Variants in SCN2A observed in about 807,000 individuals in gnomAD.
The protein encoded by SCN2A is sodium voltage-gated channel alpha subunit 2.
In SCN2A, 20 loss-of-function variants were observed where a neutral mutation model predicts 188.7. The observed-to-expected ratio is 0.11, with a 90% CI of 0.07 to 0.15. The LOEUF is 0.15. Ranked by LOEUF, SCN2A falls within the 10% of genes least tolerant of loss-of-function variation. The probability of loss-of-function intolerance (pLI) is 1.00; values close to 1 mark genes in which losing one functional copy is unlikely to be tolerated. For synonymous variants in SCN2A, 804 were observed against 833.1 expected (o/e 0.97, Z 0.60); for missense variants, 1,278 against 2,445.0 (o/e 0.52, Z 10.07).
At chr2:165,280,943 C>T (rs1054328540) in intron 1 of SCN2A, among the ~76,000 whole-genome samples, 10 of 152,332 alleles carry the variant, frequency 6.6e-5, no homozygotes, top group Middle Eastern at 6.8e-3. Flanking sequence ...CATACTAGGC[C>T]GGGCATGTTG....
chr2:165,304,178 A>G (rs979026186), intron 3 of SCN2A, among the ~76,000 whole-genome samples: 3 of 152,060 alleles, frequency 2.0e-5, no homozygotes, highest in Non-Finnish European at 4.4e-5. Flanking sequence ...GCTCACTGCT[A>G]CCTCTGCCTC....
intron 13 of SCN2A, chr2:165,328,414 T>G: frequency 1.1e-6 from 1 of 898,940 alleles, no homozygotes; most frequent in Non-Finnish European, 1.3e-6. Flanking sequence ...GTAAATCTTT[T>G]GAAGATTGTC....
intron 14 of SCN2A, among the ~76,000 whole-genome samples, chr2:165,332,081 A>G (rs1056256221): frequency 1.6e-4 from 25 of 151,880 alleles, no homozygotes; most frequent in African/African-American, 5.6e-4. Context: ...TTGTTAAAAT[A>G]TATATTAGCA....
intron 20 of SCN2A, chr2:165,370,857 G>T: frequency 6.4e-6 from 1 of 155,250 alleles, no homozygotes; most frequent in Non-Finnish European, 1.4e-5. Context: ...TAAAATATGA[G>T]GGTTTTTATA....
At chr2:165,379,499 C>T (rs1701488926) in intron 23 of SCN2A, among the ~76,000 whole-genome samples, 1 of 151,562 alleles carries the variant, frequency 6.6e-6, no homozygotes, top group Non-Finnish European at 1.5e-5. Context: ...GAAGGGTACA[C>T]CAAGGGTTTC....
intron 1 of SCN2A, among the ~76,000 whole-genome samples, chr2:165,293,402 A>G (rs540607124): frequency 6.6e-6 from 1 of 152,284 alleles, no homozygotes; most frequent in East Asian, 1.9e-4. Context: ...CGTAAAACCT[A>G]GATGGTAGAG....
intron 3 of SCN2A, among the ~76,000 whole-genome samples, chr2:165,300,321 A>G (rs1160341114): frequency 1.3e-5 from 2 of 152,204 alleles, no homozygotes; most frequent in East Asian, 3.9e-4. Context: ...TTGGGATGCA[A>G]CATTGAACAA....
At chr2:165,380,846 T>G (rs1014627733) in intron 24 of SCN2A, 117 bp downstream of exon 24, 2 of 875,090 alleles carry the variant, frequency 2.3e-6, no homozygotes, top group African/African-American at 3.4e-5. Flanking sequence ...AGAAATTATT[T>G]TGAGACATTT....
chr2:165,248,019 A>G (rs13432006), intron 1 of SCN2A, among the ~76,000 whole-genome samples: 57,541 of 151,914 alleles, frequency 0.38, 11,278 homozygotes, highest in African/African-American at 0.48. Context: ...CATTCAGTCC[A>G]TGAGAAATTC....
intron 16 of SCN2A, among the ~76,000 whole-genome samples, chr2:165,345,306 A>C (rs1204767415): frequency 6.6e-6 from 1 of 152,344 alleles, no homozygotes; most frequent in Admixed American, 6.5e-5. Flanking sequence ...GTTTATTAAG[A>C]GCTCATGGGG....
chr2:165,264,763 C>T (rs777920095), intron 1 of SCN2A, among the ~76,000 whole-genome samples: 9 of 152,056 alleles, frequency 5.9e-5, no homozygotes, highest in East Asian at 1.9e-4. Flanking sequence ...ATAATGGCCT[C>T]GTGCTCCAAC....
chr2:165,242,220 G>A (rs1421711874), intron 1 of SCN2A, among the ~76,000 whole-genome samples: 2 of 151,928 alleles, frequency 1.3e-5, no homozygotes, highest in Non-Finnish European at 2.9e-5. Flanking sequence ...TGCAGTTGTG[G>A]GACAAAATTA....
At chr2:165,370,000 A>G in intron 19 of SCN2A, 126 bp from the exon 20 acceptor site, 3 of 753,276 alleles carry the variant, frequency 4.0e-6, no homozygotes, top group Admixed American at 2.6e-5. Flanking sequence ...AAATTCAGCC[A>G]TGGGAAACAT....
At chr2:165,299,458 C>G (rs546004747) in intron 3 of SCN2A, among the ~76,000 whole-genome samples, 2 of 152,136 alleles carry the variant, frequency 1.3e-5, no homozygotes, top group African/African-American at 4.8e-5. Flanking sequence ...CAAATTTATT[C>G]CAATGTAGAA....
chr2:165,341,320 C>T (rs1699305601), intron 14 of SCN2A, among the ~76,000 whole-genome samples: 1 of 152,146 alleles, frequency 6.6e-6, no homozygotes, highest in African/African-American at 2.4e-5. Context: ...GTCTCGATCT[C>T]CTGACCTCGT....
intron 1 of SCN2A, among the ~76,000 whole-genome samples, chr2:165,259,205 A>G (rs531412466): frequency 1.1e-4 from 16 of 152,368 alleles, no homozygotes; most frequent in African/African-American, 3.6e-4. Context: ...ACAAATGCAA[A>G]TAATCATCTG....
At chr2:165,279,669 G>C (rs1695500190) in intron 1 of SCN2A, among the ~76,000 whole-genome samples, 1 of 152,092 alleles carries the variant, frequency 6.6e-6, no homozygotes, top group Non-Finnish European at 1.5e-5. Flanking sequence ...TCTGCATGTT[G>C]GCAATGGAAT....
chr2:165,264,438 A>G (rs980317721), intron 1 of SCN2A, among the ~76,000 whole-genome samples: 5 of 152,128 alleles, frequency 3.3e-5, no homozygotes, highest in Non-Finnish European at 5.9e-5. Flanking sequence ...ATCAGCATAG[A>G]AGGGACATAC....
chr2:165,318,683 A>G (rs1350874059), intron 11 of SCN2A, among the ~76,000 whole-genome samples: 1 of 152,194 alleles, frequency 6.6e-6, no homozygotes, highest in Admixed American at 6.5e-5. Flanking sequence ...CTATGGCTCC[A>G]GCTGAATGGG....
Sources: allele counts gnomAD v4.1 joint callset (sites outside exome capture counted in the v4.1 genomes callset), GRCh38; gene constraint gnomAD v4.1.1; transcripts MANE v1.5; gene names NCBI Gene and HGNC (gene_info 2026-07-23, HGNC 2026-07-21).